HTR2A: variants seen among roughly 807,000 people sequenced by gnomAD.
The protein encoded by HTR2A is 5-hydroxytryptamine receptor 2A, also known as 5-HT2 receptor.
HTR2A carries 14 observed loss-of-function variants against 31.0 expected under a neutral mutation model. The ratio of observed to expected loss-of-function variants is 0.45; its 90% CI spans 0.30 to 0.71. The LOEUF (loss-of-function observed/expected upper bound fraction) is 0.71, where lower values mean the gene tolerates loss of function less well. Ranked by LOEUF, HTR2A falls within the 30% of genes least tolerant of loss-of-function variation. HTR2A has a pLI of 0.09. For missense variants in HTR2A, 442 were observed against 573.3 expected, an observed-to-expected ratio of 0.77 and a Z score of 2.34; for synonymous variants, 209 against 225.2, an observed-to-expected ratio of 0.93 and a Z score of 0.64.
chr13:46,870,497 A>G (rs1218186873), intron 3 of HTR2A, among the ~76,000 whole-genome samples: 1 of 152,208 alleles, frequency 6.6e-6, no homozygotes, highest in Non-Finnish European at 1.5e-5. Context: ...GCTAAGATAC[A>G]TTGTATGTGG....
Position 46,875,001 on chromosome 13 carries a change from C to G in HTR2A, c.613+17389G>C, listed in dbSNP as rs180994155. 2.6e-5 allele frequency among the ~76,000 whole-genome samples: 4 copies of G among 152,254 alleles called. No homozygotes were observed. The East Asian group carries it at 7.7e-4, about 29-fold the overall frequency. ...TGAAACAACTTTAATACAAAATTAC[C>G]CTTATCATAGAAAGATGGATTAATT... On this transcript the variant is annotated intron_variant, in intron 3 of 3. Coordinates refer to ENST00000542664, the MANE Select transcript of HTR2A (RefSeq NM_000621.5).
In HTR2A at chr13:46,895,924, T is replaced by C. The variant is rs117554656; in HGVS notation, c.-18A>G. ...ATATCCATGTCTAAGCCAGAACTTGTAGCAGATGAGGTGTAGAAGGACTAA... is the reference window on the plus strand; with the variant it reads ...ATATCCATGTCTAAGCCAGAACTTGCAGCAGATGAGGTGTAGAAGGACTAA... On this transcript the variant is annotated 5_prime_UTR_variant, in exon 2 of 4. Transcript: ENST00000542664. The surrounding 1 kb of genome is among the most constrained non-coding windows in gnomAD (Gnocchi z 4.4). 4.9e-4 allele frequency: 779 copies of C among 1,594,330 alleles called. 5 individuals are homozygous for C. Among genetic ancestry groups the C allele is most frequent in the South Asian group, 3.1e-3 (269 of 86,610 alleles).
chr13:46,835,006 G>T lies in HTR2A; in HGVS notation c.1247C>A (p.Ala416Asp). The change falls in exon 4 of 4, where the codon GCT becomes GAT. Residue 416 changes from alanine to aspartate, a missense_variant. Coordinates refer to ENST00000542664, the MANE Select transcript of HTR2A (RefSeq NM_000621.5). ...LQLILVNTIP[A>D]LAYKSSQLQM... ...AAGTTGGCTAGACTTGTAGGCCAAA[G>T]CCGGTATTGTGTTCACTAAAATTAA... 1 of 1,614,158 alleles carries T rather than the reference G, an allele frequency of 6.2e-7. No individual in the cohort carries two copies.
chr13:46,848,316 T>C (rs1950658844), intron 3 of HTR2A, among the ~76,000 whole-genome samples: 1 of 152,226 alleles, frequency 6.6e-6, no homozygotes, highest in South Asian at 2.1e-4. Flanking sequence ...TGAGTTCAGG[T>C]TAAAAGCAGC....
At chr13:46,860,124 A>G (rs926680576) in intron 3 of HTR2A, among the ~76,000 whole-genome samples, 2 of 151,942 alleles carry the variant, frequency 1.3e-5, no homozygotes, top group African/African-American at 2.4e-5. Flanking sequence ...TCAACCCACA[A>G]CTTAAGGCCT....
chr13:46,876,438 C>G (rs1463123672), intron 3 of HTR2A, among the ~76,000 whole-genome samples: 1 of 109,920 alleles, frequency 9.1e-6, no homozygotes, highest in African/African-American at 3.4e-5. Flanking sequence ...GAGACAGAGT[C>G]TTGCTCTGTC....
intron 3 of HTR2A, among the ~76,000 whole-genome samples, chr13:46,856,704 G>C (rs150329207): frequency 1.4e-3 from 211 of 152,242 alleles, no homozygotes; most frequent in African/African-American, 4.9e-3. Flanking sequence ...CTTAATGAAG[G>C]ATTTGCAGAT....
intron 3 of HTR2A, among the ~76,000 whole-genome samples, chr13:46,889,978 G>C (rs932559832): frequency 1.3e-5 from 2 of 152,074 alleles, no homozygotes; most frequent in African/African-American, 4.8e-5. Context: ...ACCTTACTGT[G>C]AGAGATCTTT....
At chr13:46,884,184 C>A (rs545272142) in intron 3 of HTR2A, among the ~76,000 whole-genome samples, 4 of 152,180 alleles carry the variant, frequency 2.6e-5, no homozygotes, top group Non-Finnish European at 5.9e-5. Flanking sequence ...AAGTGGCTCA[C>A]GCCTGTAATC....
intron 3 of HTR2A, chr13:46,853,900 A>G (rs915677134): frequency 6.6e-6 from 1 of 152,100 alleles, no homozygotes; most frequent in African/African-American, 2.4e-5. Flanking sequence ...TGCAGTTTTT[A>G]TGCTAGTTTT....
chr13:46,839,762 A>G (rs1014077519), intron 3 of HTR2A, among the ~76,000 whole-genome samples: 2 of 152,186 alleles, frequency 1.3e-5, no homozygotes, highest in African/African-American at 4.8e-5. Context: ...CTTGACACCT[A>G]AGAACACAAA....
intron 3 of HTR2A, among the ~76,000 whole-genome samples, chr13:46,858,898 T>C (rs1010813929): frequency 6.6e-6 from 1 of 152,190 alleles, no homozygotes; most frequent in East Asian, 1.9e-4. Flanking sequence ...GCAGGGCAGA[T>C]GCGCCATAAA....
intron 3 of HTR2A, 52 bp from the exon 4 acceptor site, chr13:46,835,691 A>G (rs761372752): frequency 7.5e-7 from 1 of 1,330,622 alleles, no homozygotes; most frequent in South Asian, 1.3e-5. Flanking sequence ...AAGTATATGA[A>G]GGCAAGAGCA....
chr13:46,891,834 T>C (rs1387096244), intron 3 of HTR2A, among the ~76,000 whole-genome samples: 1 of 152,152 alleles, frequency 6.6e-6, no homozygotes, highest in Non-Finnish European at 1.5e-5. Context: ...CAGAAGCAAG[T>C]TGAAATCCTT....
rs1186648326 is a variant in HTR2A, at chr13:46,896,752, G to A, written c.-407C>T. 2.0e-6 allele frequency: 3 copies of A among 1,535,248 alleles called. No individual in the cohort carries two copies. The highest frequency in any genetic ancestry group is 1.2e-5 in the South Asian group (1 of 84,016). On this transcript the variant is annotated 5_prime_UTR_variant, in exon 1 of 4. Coordinates refer to ENST00000542664, the MANE Select transcript of HTR2A (RefSeq NM_000621.5). ...CATCTCTCACAGTAATTAAACTGGT[G>A]TAGAGTCCCCTCTTCTTGATCTTCC...
At chr13:46,840,349 A>C (rs1950588998) in intron 3 of HTR2A, among the ~76,000 whole-genome samples, 1 of 152,152 alleles carries the variant, frequency 6.6e-6, no homozygotes, top group Non-Finnish European at 1.5e-5. Context: ...GCAGATGTAC[A>C]TAAAAATGAG....
In HTR2A at chr13:46,892,261, A is replaced by G. The variant is rs1191675503; in HGVS notation, c.613+129T>C. 6 of 844,368 alleles carry G rather than the reference A, an allele frequency of 7.1e-6. No individual in the cohort carries two copies. In the East Asian group the frequency reaches 1.2e-4, roughly 17 times the overall value. 52.3% of individuals were successfully genotyped at this position (844,368 alleles called of 1,614,324 possible). A position where few individuals can be genotyped will look rare whatever the true frequency, so the allele number is the denominator to read the frequency against. ...GCGAATCTGATAATTATGATGTTGT[A>G]ACATATCTTGCACCACCCAAAACAG... is the stretch of plus-strand genomic sequence containing the variant. On this transcript the variant is annotated intron_variant, in intron 3 of 3. Coordinates refer to ENST00000542664, the MANE Select transcript of HTR2A (RefSeq NM_000621.5).
At chr13:46,877,732 G>T (rs1950926848) in intron 3 of HTR2A, among the ~76,000 whole-genome samples, 1 of 152,052 alleles carries the variant, frequency 6.6e-6, no homozygotes, top group South Asian at 2.1e-4. Flanking sequence ...AAAATATAGA[G>T]ATATGGAGGG....
intron 3 of HTR2A, among the ~76,000 whole-genome samples, chr13:46,851,842 T>G (rs1950686863): frequency 6.6e-6 from 1 of 152,236 alleles, no homozygotes; most frequent in Admixed American, 6.5e-5. Flanking sequence ...AACTCCTGGA[T>G]GCTGTGAATA....
Sources: gnomAD v4.1 joint callset for allele counts (sites outside exome capture counted in the v4.1 genomes callset) on GRCh38, gnomAD v4.1.1 for gene constraint, Gnocchi (gnomAD v3.1) non-coding constraint, MANE v1.5 for transcripts, NCBI Gene and HGNC (gene_info 2026-07-23, HGNC 2026-07-21) for gene names.